SPECC1: variants seen among roughly 807,000 people sequenced by gnomAD.
SPECC1 encodes cytospin-B.
In SPECC1, 62 loss-of-function variants were observed where a neutral mutation model predicts 104.1. The observed-to-expected ratio is 0.60, with a 90% confidence interval of 0.49 to 0.74. SPECC1 has a LOEUF of 0.74. SPECC1 is among the 30% of genes least tolerant of loss of function. The pLI is 0.00. For missense variants in SPECC1, 1,306 were observed against 1,310.5 expected (o/e 1.00, Z 0.05); for synonymous variants, 513 against 501.6 (o/e 1.02, Z -0.30).
At chr17:20,216,612 G>A (rs2037506140) in intron 4 of SPECC1, among the ~76,000 whole-genome samples, 1 of 152,130 alleles carries the variant, frequency 6.6e-6, no homozygotes, top group Non-Finnish European at 1.5e-5. Context: ...CCCTGCGTAG[G>A]AACCTCTGCT....
At chr17:20,228,982 G>A (rs1253492928) in intron 5 of SPECC1, among the ~76,000 whole-genome samples, 1 of 152,102 alleles carries the variant, frequency 6.6e-6, no homozygotes, top group Admixed American at 6.5e-5. Context: ...TCACATTGGT[G>A]AATTCATCTG....
At chr17:20,243,555 C>T (rs1222550279) in intron 7 of SPECC1, among the ~76,000 whole-genome samples, 1 of 152,136 alleles carries the variant, frequency 6.6e-6, no homozygotes. Context: ...CTCTCACATA[C>T]ACAGAGAGAC....
At chr17:20,226,087 C>G (rs1450054763) in intron 4 of SPECC1, among the ~76,000 whole-genome samples, 1 of 152,108 alleles carries the variant, frequency 6.6e-6, no homozygotes, top group Non-Finnish European at 1.5e-5. Context: ...AATTTCATTT[C>G]ATACAAAGAA....
rs371129435 is a variant in SPECC1, at chr17:20,316,555, G to A, written c.*2490G>A. On this transcript the variant is annotated 3_prime_UTR_variant, in exon 15 of 15. Coordinates refer to ENST00000395527, the MANE Select transcript of SPECC1 (RefSeq NM_001243439.2). ...CTAATGTTTTTGTATTTTTAGTAAA[G>A]AGGGGGTTTCACCATGTTGGCCCGG... 5 of 184,990 alleles carry A rather than the reference G, an allele frequency of 2.7e-5. No individual in the cohort carries two copies. Among genetic ancestry groups the A allele is most frequent in the African/African-American group, 1.2e-4 (5 of 42,568 alleles). The allele number at this position is 184,990 out of a possible 1,614,324, so 11.5% of individuals were successfully genotyped here.
chr17:20,061,399 C>G (rs546671920), intron 1 of SPECC1, among the ~76,000 whole-genome samples: 2 of 152,234 alleles, frequency 1.3e-5, no homozygotes, highest in Non-Finnish European at 2.9e-5. Flanking sequence ...ATAGGAATTC[C>G]CAGTGTAGCT....
chr17:20,267,272 C>T (rs2040247531), intron 12 of SPECC1, among the ~76,000 whole-genome samples: 3 of 152,186 alleles, frequency 2.0e-5, no homozygotes, highest in Admixed American at 2.0e-4. Context: ...TGGCTGTTTT[C>T]CAAGCCAAGG....
intron 1 of SPECC1, chr17:20,057,701 A>T (rs1167296839): frequency 6.7e-6 from 1 of 149,942 alleles, no homozygotes; most frequent in African/African-American, 2.5e-5. Context: ...TATGTTGCTC[A>T]GGCTGGTCTT....
At position 20,316,404 on chromosome 17, in the gene SPECC1, T is replaced by C. The variant is rs1286062346; in HGVS notation, c.*2339T>C. On this transcript the variant is annotated 3_prime_UTR_variant, in exon 15 of 15. Coordinates refer to ENST00000395527, the MANE Select transcript of SPECC1 (RefSeq NM_001243439.2). Reference sequence around the variant, plus strand: ...ATTTTGAGATGGAGTTTCATCCTTATTGCCCAGGCTGGAGGGCAATAGCAC... The same window carrying C: ...ATTTTGAGATGGAGTTTCATCCTTACTGCCCAGGCTGGAGGGCAATAGCAC... The C allele has an allele frequency of 9.6e-6, 2 of 209,124 alleles. No homozygotes were observed. Among genetic ancestry groups the C allele is most frequent in the African/African-American group, 2.3e-5 (1 of 43,956 alleles). 13.0% of individuals were successfully genotyped at this position (209,124 alleles called of 1,614,324 possible). A position where few individuals can be genotyped will look rare whatever the true frequency, so the allele number is the denominator to read the frequency against.
intron 2 of SPECC1, among the ~76,000 whole-genome samples, chr17:20,098,085 G>A (rs761974783): frequency 2.0e-5 from 3 of 152,226 alleles, no homozygotes; most frequent in Non-Finnish European, 4.4e-5. Context: ...TGCATCTCCA[G>A]CTGGGACCCC....
chr17:20,294,472 GT>G (rs1342647610), intron 12 of SPECC1, among the ~76,000 whole-genome samples: 1 of 152,186 alleles, frequency 6.6e-6, no homozygotes, highest in East Asian at 1.9e-4. Context: ...GGGGAGAAGA[GT>G]GTGGTAGGAA....
intron 3 of SPECC1, among the ~76,000 whole-genome samples, chr17:20,133,240 C>G (rs1193114092): frequency 6.6e-6 from 1 of 151,254 alleles, no homozygotes; most frequent in Non-Finnish European, 1.5e-5. Flanking sequence ...TTTCCCATTT[C>G]ACCGAGTTCT....
At chr17:20,098,734 T>C (rs1245411673) in intron 2 of SPECC1, among the ~76,000 whole-genome samples, 3 of 152,206 alleles carry the variant, frequency 2.0e-5, no homozygotes, top group Non-Finnish European at 4.4e-5. Context: ...GAAGTGTCCT[T>C]GACCTCCATC....
chr17:20,304,598 T>C (rs2041702369), intron 13 of SPECC1, among the ~76,000 whole-genome samples: 1 of 152,126 alleles, frequency 6.6e-6, no homozygotes, highest in Non-Finnish European at 1.5e-5. Flanking sequence ...GCCTGTTAAC[T>C]GAACGTGATG....
In SPECC1 at chr17:20,240,400, C is replaced by T. The variant is rs574931439; in HGVS notation, c.2352-5526C>T. Among the ~76,000 whole-genome samples the T allele has an allele frequency of 3.3e-5, 5 of 151,986 alleles. No individual in the cohort carries two copies. In the South Asian group the frequency reaches 6.2e-4, roughly 19 times the overall value. ...TATTATGAGCCTTTATCATATTTTT[C>T]ATGTGATATGGCTTTATCTTTATCA... On this transcript the variant is annotated intron_variant, in intron 7 of 14. Coordinates refer to ENST00000395527, the MANE Select transcript of SPECC1 (RefSeq NM_001243439.2).
intron 1 of SPECC1, 119 bp from the exon 2 acceptor site, chr17:20,096,512 T>C (rs1442258668): frequency 3.4e-6 from 4 of 1,164,362 alleles, no homozygotes; most frequent in East Asian, 2.4e-5. Context: ...AGCCAAATCA[T>C]AGGTGCTCCT....
rs527512661 is a variant in SPECC1, at chr17:20,302,705, G to A, written c.3058-3318G>A. On this transcript the variant is annotated intron_variant, in intron 13 of 14. Coordinates refer to ENST00000395527, the MANE Select transcript of SPECC1 (RefSeq NM_001243439.2). ...GCATGTTGCCACCACGTCTTGCTCC[G>A]CTTGTGTTTTCACAACAGATACTGA... Among the ~76,000 whole-genome samples the A allele has an allele frequency of 5.5e-5, 8 of 145,952 alleles. No homozygotes were observed. In the South Asian group the frequency reaches 1.9e-3, roughly 35 times the overall value.
rs377027470 is a variant in SPECC1, at chr17:20,205,482, G to A, written c.1433G>A (p.Arg478His). 1.8e-4 allele frequency: 293 copies of A among 1,614,122 alleles called. No individual in the cohort carries two copies. The highest frequency in any genetic ancestry group is 7.2e-4 in the African/African-American group (54 of 75,060). Residue 478 changes from arginine to histidine, a missense_variant, in exon 4 of 15, where the codon CGC (arginine) becomes CAC (histidine). Around this residue, in one of 2 missense-constraint regions of SPECC1, gnomAD observed 1,177 missense variants for 1,139.9 expected, o/e 1.03. Transcript: ENST00000395527. ...TGCACAGGTATTCTTGAACAGGGCC[G>A]CTTTGAAAGAGAGAAGCTACTCAAC... Reference protein sequence around the residue: ...QKCTGILEQGRFEREKLLNIQ... With the variant: ...QKCTGILEQGHFEREKLLNIQ...
At chr17:20,256,448 T>A (rs2151580994) in intron 10 of SPECC1, among the ~76,000 whole-genome samples, 1 of 152,292 alleles carries the variant, frequency 6.6e-6, no homozygotes, top group South Asian at 2.1e-4. Flanking sequence ...TTCCCTTGGA[T>A]GTAAATACTG....
chr17:20,069,456 A>G (rs1044892423), intron 1 of SPECC1, among the ~76,000 whole-genome samples: 1 of 152,172 alleles, frequency 6.6e-6, no homozygotes, highest in Non-Finnish European at 1.5e-5. Flanking sequence ...TTTTACAGCT[A>G]TATTTTCTTC....
Sources: allele counts gnomAD v4.1 joint callset (sites outside exome capture counted in the v4.1 genomes callset), GRCh38; gene constraint gnomAD v4.1.1; regional missense constraint gnomAD v4.1.1; transcripts MANE v1.5; gene names NCBI Gene and HGNC (gene_info 2026-07-23, HGNC 2026-07-21).